Variants in MRC1 observed in about 807,000 individuals in gnomAD.
MRC1 encodes the protein macrophage mannose receptor 1.
A neutral mutation model predicts 102.9 loss-of-function variants in MRC1; 62 were observed. The ratio of observed to expected loss-of-function variants is 0.60; its 90% CI spans 0.49 to 0.74. The LOEUF (loss-of-function observed/expected upper bound fraction) is 0.74. Ranked by LOEUF, MRC1 falls within the 30% of genes least tolerant of loss-of-function variation. The pLI, the probability that MRC1 is intolerant of heterozygous loss-of-function variation, is 0.00. For synonymous variants in MRC1, 457 were observed against 298.4 expected, an observed-to-expected ratio of 1.53 and a Z score of -5.48; for missense variants, 1,237 against 862.8, an observed-to-expected ratio of 1.43 and a Z score of -5.43.
intron 11 of MRC1, among the ~76,000 whole-genome samples, chr10:17,864,567 G>C (rs1481619318): frequency 1.3e-5 from 2 of 152,030 alleles, no homozygotes; most frequent in Non-Finnish European, 2.9e-5. Context: ...GGTGGCTCAT[G>C]CCTGTAATCT....
At chr10:17,899,880 C>T (rs1833804883) in intron 24 of MRC1, among the ~76,000 whole-genome samples, 1 of 151,946 alleles carries the variant, frequency 6.6e-6, no homozygotes, top group South Asian at 2.1e-4. Flanking sequence ...AGGCAGATCA[C>T]CTGAGGTCAG....
chr10:17,880,125 C>T (rs1285915402), intron 19 of MRC1, among the ~76,000 whole-genome samples: 1 of 152,154 alleles, frequency 6.6e-6, no homozygotes, highest in Non-Finnish European at 1.5e-5. Context: ...TTCTCTCTGG[C>T]TCCTTATTAT....
chr10:17,822,491 C>G (rs976531475), intron 1 of MRC1, among the ~76,000 whole-genome samples: 2,001 of 152,176 alleles, frequency 0.013, 30 homozygotes, highest in Non-Finnish European at 0.021. Context: ...TATGGTGGTA[C>G]AAGCCTGTAG....
intron 2 of MRC1, among the ~76,000 whole-genome samples, chr10:17,823,820 G>A (rs1838434267): frequency 6.6e-6 from 1 of 152,156 alleles, no homozygotes; most frequent in Admixed American, 6.6e-5. Flanking sequence ...TTATAAAGTT[G>A]TAGTGATAAA....
chr10:17,898,516 A>G (rs996059319), intron 24 of MRC1, among the ~76,000 whole-genome samples: 4 of 152,376 alleles, frequency 2.6e-5, no homozygotes, highest in Admixed American at 1.3e-4. Flanking sequence ...CTATTGCATT[A>G]GACTATGAAA....
chr10:17,905,100 C>T (rs1184360999), intron 26 of MRC1, among the ~76,000 whole-genome samples: 1 of 152,104 alleles, frequency 6.6e-6, no homozygotes, highest in Non-Finnish European at 1.5e-5. Flanking sequence ...TAAGACAGGT[C>T]AAGTAATGGA....
chr10:17,896,842 C>A (rs890558759), intron 23 of MRC1, among the ~76,000 whole-genome samples: 1 of 152,158 alleles, frequency 6.6e-6, no homozygotes. Flanking sequence ...AGGCCAATGG[C>A]AGGTCATGCA....
At chr10:17,842,024 G>T (rs1033849147) in intron 5 of MRC1, among the ~76,000 whole-genome samples, 2 of 152,104 alleles carry the variant, frequency 1.3e-5, no homozygotes, top group African/African-American at 4.8e-5. Flanking sequence ...GTGCAGTGGC[G>T]CAGTCTCAGC....
chr10:17,881,835 T>G (rs1833523751), intron 21 of MRC1, among the ~76,000 whole-genome samples: 1 of 12,490 alleles, frequency 8.0e-5, no homozygotes, highest in Non-Finnish European at 1.5e-4. Flanking sequence ...TTTTTTAAAG[T>G]TTTTTTTTTT....
chr10:17,905,365 A>T (rs1293911057), intron 26 of MRC1, among the ~76,000 whole-genome samples: 2 of 152,202 alleles, frequency 1.3e-5, no homozygotes, highest in Non-Finnish European at 2.9e-5. Context: ...CAGCATTCTG[A>T]AACAGTGGAT....
rs1027990222 is a variant in MRC1, at chr10:17,839,815, T to G, written c.803-878T>G. 6.6e-5 allele frequency among the ~76,000 whole-genome samples: 10 copies of G among 151,904 alleles called. 1 individual carries two copies. The highest frequency in any genetic ancestry group is 2.2e-4 in the African/African-American group (9 of 41,394). On this transcript the variant is annotated intron_variant, in intron 4 of 29. Transcript: ENST00000569591. ...GGCTCACGCCTGTAATCCCAGCATA[T>G]TGGGAGTCTGAGGTGGGCGGATCAC... is the stretch of plus-strand genomic sequence containing the variant.
chr10:17,812,536 G>C lies in MRC1; in HGVS notation c.61+3010G>C, dbSNP rs1272763548. Among the ~76,000 whole-genome samples, 6 of 151,606 alleles carry C rather than the reference G, an allele frequency of 4.0e-5. No homozygotes were observed. In the East Asian group the frequency reaches 1.2e-3, roughly 29 times the overall value. On this transcript the variant is annotated intron_variant, in intron 1 of 29. Coordinates refer to ENST00000569591, the MANE Select transcript of MRC1 (RefSeq NM_002438.4). ...AAGCTACTGACTTGATGCCCCTGGGGGCAGAGTTGGGAAGAGATGCCAACA... is the reference window on the plus strand; with the variant it reads ...AAGCTACTGACTTGATGCCCCTGGGCGCAGAGTTGGGAAGAGATGCCAACA...
At chr10:17,822,627 A>G (rs1257104931) in intron 1 of MRC1, among the ~76,000 whole-genome samples, 1 of 152,214 alleles carries the variant, frequency 6.6e-6, no homozygotes, top group African/African-American at 2.4e-5. Context: ...TCCTTTAAAA[A>G]CAACAAACAA....
At position 17,901,115 on chromosome 10, in the gene MRC1, A is replaced by T. The variant is rs1241319262; in HGVS notation, c.3649+162A>T. ...AAAGACTATCTTTATAAACCAACAT[A>T]CATAGATCAAAATAATGGAGATAAA... On this transcript the variant is annotated intron_variant, in intron 25 of 29. Transcript: ENST00000569591. Among the ~76,000 whole-genome samples, 4 of 152,196 alleles carry T rather than the reference A, an allele frequency of 2.6e-5. No homozygotes were observed. The East Asian group carries it at 7.7e-4, about 29-fold the overall frequency.
chr10:17,857,623 A>G (rs1050805551), intron 9 of MRC1, among the ~76,000 whole-genome samples: 2 of 152,244 alleles, frequency 1.3e-5, no homozygotes, highest in African/African-American at 4.8e-5. Flanking sequence ...CTGAAACACA[A>G]AGAGTTTAAA....
Position 17,906,939 on chromosome 10 carries a change from C to A in MRC1, c.3853C>A (p.Arg1285=). The stretch of plus-strand genomic sequence containing the variant: ...TGCAGAATCCAGTTTTCTGTCATAT[C>A]GGGTTGAGCCACTTAAAAGTAAAAC... ...SAAESSFLSY[R]VEPLKSKTNF... Residue 1285 remains arginine (R), a synonymous_variant, in exon 27 of 30, where the codon CGG becomes AGG. Transcript: ENST00000569591. The A allele has an allele frequency of 2.4e-6, 2 of 829,896 alleles. No homozygotes were observed. Among genetic ancestry groups the A allele is most frequent in the Non-Finnish European group, 4.3e-6 (2 of 462,974 alleles). 51.4% of individuals were successfully genotyped at this position (829,896 alleles called of 1,614,324 possible).
rs1327302812 is a variant in MRC1 at position 17,840,826 on chromosome 10, T to G, written c.916+20T>G. On this transcript the variant is annotated intron_variant, in intron 5 of 29. Coordinates refer to ENST00000569591, the MANE Select transcript of MRC1 (RefSeq NM_002438.4). ...TACCAGGTAGGGTTAAGCCTGTTTGTGTCGAATTAATCCAAATTTAAGTCA... is the reference window on the plus strand; with the variant it reads ...TACCAGGTAGGGTTAAGCCTGTTTGGGTCGAATTAATCCAAATTTAAGTCA... The G allele has an allele frequency of 1.3e-6, 1 of 780,846 alleles. No individual in the cohort carries two copies. Among genetic ancestry groups the G allele is most frequent in the Non-Finnish European group, 2.4e-6 (1 of 417,944 alleles). 48.4% of individuals were successfully genotyped at this position (780,846 alleles called of 1,614,324 possible).
At chr10:17,894,406 T>TTTTTTTTTTC in intron 23 of MRC1, 94 bp downstream of exon 23, 12 of 688,872 alleles carry the variant, frequency 1.7e-5, no homozygotes, top group Admixed American at 2.6e-5. Flanking sequence ...TTTTTTTTTT[T>TTTTTTTTTTC]TTTTTTTTTT....
intron 22 of MRC1, among the ~76,000 whole-genome samples, chr10:17,887,044 C>G (rs1013777538): frequency 6.6e-6 from 1 of 152,058 alleles, no homozygotes; most frequent in Non-Finnish European, 1.5e-5. Context: ...AGCTATTTGC[C>G]GGGTGAATAC....
Sources: gnomAD v4.1 joint callset for allele counts (sites outside exome capture counted in the v4.1 genomes callset) on GRCh38, gnomAD v4.1.1 for gene constraint, MANE v1.5 for transcripts, NCBI Gene and HGNC (gene_info 2026-07-23, HGNC 2026-07-21) for gene names.